SMYD3: variants seen among roughly 807,000 people sequenced by gnomAD.
SMYD3 encodes the protein SET and MYND domain containing 3.
SMYD3 carries 36 observed loss-of-function variants against 57.7 expected under a neutral mutation model. The ratio of observed to expected loss-of-function variants is 0.62; its 90% CI spans 0.48 to 0.82. The LOEUF (loss-of-function observed/expected upper bound fraction) is 0.82. Ranked by LOEUF, SMYD3 falls within the 40% of genes least tolerant of loss-of-function variation. The probability of loss-of-function intolerance (pLI) is 0.00; values close to 1 mark genes in which losing one functional copy is unlikely to be tolerated. For synonymous variants in SMYD3, 211 were observed against 195.0 expected (o/e 1.08, Z -0.68); for missense variants, 515 against 538.8 (o/e 0.96, Z 0.44).
intron 1 of SMYD3, among the ~76,000 whole-genome samples, chr1:246,471,855 T>C (rs951577836): frequency 1.3e-5 from 2 of 152,168 alleles, no homozygotes; most frequent in Non-Finnish European, 1.5e-5. Context: ...GGTACCAAAT[T>C]TGGCTCCTAA....
chr1:245,816,624 C>G (rs1431614916), intron 10 of SMYD3, among the ~76,000 whole-genome samples: 2 of 151,490 alleles, frequency 1.3e-5, no homozygotes, highest in Admixed American at 1.3e-4. Flanking sequence ...TTCTGCATTT[C>G]CATCTGAGGT....
intron 1 of SMYD3, among the ~76,000 whole-genome samples, chr1:246,499,401 TAC>T (rs74163453): frequency 0.32 from 46,291 of 145,646 alleles, 7,349 homozygotes; most frequent in Middle Eastern, 0.5. Context: ...CCATCAAATA[TAC>T]ACACACACAC....
At chr1:246,433,121 G>A (rs1164672064) in intron 1 of SMYD3, among the ~76,000 whole-genome samples, 1 of 152,138 alleles carries the variant, frequency 6.6e-6, no homozygotes, top group East Asian at 1.9e-4. Context: ...CTTCAGTAAA[G>A]TTTCAGGATA....
intron 5 of SMYD3, among the ~76,000 whole-genome samples, chr1:246,288,357 G>A (rs2064615866): frequency 6.6e-6 from 1 of 151,592 alleles, no homozygotes; most frequent in African/African-American, 2.4e-5. Flanking sequence ...CCACAGAGAA[G>A]CTTCTGGTTT....
chr1:246,430,887 C>G (rs1461258383), intron 1 of SMYD3, among the ~76,000 whole-genome samples: 1 of 152,042 alleles, frequency 6.6e-6, no homozygotes, highest in African/African-American at 2.4e-5. Flanking sequence ...AGAAACTACA[C>G]AACAAGAGGA....
At chr1:246,262,615 T>C (rs983118836) in intron 5 of SMYD3, among the ~76,000 whole-genome samples, 2 of 152,138 alleles carry the variant, frequency 1.3e-5, no homozygotes, top group African/African-American at 4.8e-5. Flanking sequence ...CCAGGCACTA[T>C]GCTTGGCACA....
At chr1:246,127,605 T>C (rs78604191) in intron 5 of SMYD3, among the ~76,000 whole-genome samples, 3,098 of 152,118 alleles carry the variant, frequency 0.02, 149 homozygotes, top group East Asian at 0.15. Context: ...GAGTGAAATA[T>C]GAAAAGGAGG....
At chr1:246,016,936 C>T (rs2059386967) in intron 5 of SMYD3, among the ~76,000 whole-genome samples, 1 of 151,264 alleles carries the variant, frequency 6.6e-6, no homozygotes, top group African/African-American at 2.5e-5. Context: ...CAATCTTTTT[C>T]TATGATTTTT....
chr1:245,825,590 C>A (rs558313644), intron 10 of SMYD3, among the ~76,000 whole-genome samples: 20 of 152,132 alleles, frequency 1.3e-4, no homozygotes, highest in African/African-American at 4.6e-4. Flanking sequence ...TCTTGTCCCC[C>A]TCTCTGTTCA....
At chr1:245,772,648 C>T (rs2046384063) in intron 10 of SMYD3, among the ~76,000 whole-genome samples, 1 of 151,926 alleles carries the variant, frequency 6.6e-6, no homozygotes, top group South Asian at 2.1e-4. Context: ...AAGTGACAGA[C>T]AAGACTATCT....
At chr1:246,048,231 A>C (rs2060004371) in intron 5 of SMYD3, among the ~76,000 whole-genome samples, 1 of 152,216 alleles carries the variant, frequency 6.6e-6, no homozygotes, top group Admixed American at 6.5e-5. Flanking sequence ...AGATTGGAAA[A>C]ATATTTCATT....
intron 5 of SMYD3, among the ~76,000 whole-genome samples, chr1:245,971,903 C>T (rs2058312976): frequency 1.3e-5 from 2 of 152,310 alleles, no homozygotes; most frequent in South Asian, 4.1e-4. Flanking sequence ...TCCACAGCTA[C>T]ATACCTGGTC....
chr1:246,159,898 G>A (rs573736771), intron 5 of SMYD3, among the ~76,000 whole-genome samples: 3 of 152,042 alleles, frequency 2.0e-5, no homozygotes, highest in Non-Finnish European at 2.9e-5. Flanking sequence ...CAACTACTAG[G>A]CCCAAGAGAT....
At chr1:246,463,557 C>T (rs2067834162) in intron 1 of SMYD3, among the ~76,000 whole-genome samples, 1 of 149,764 alleles carries the variant, frequency 6.7e-6, no homozygotes, top group African/African-American at 2.4e-5. Context: ...GTGGCTCACG[C>T]CTGTAATCCC....
intron 5 of SMYD3, among the ~76,000 whole-genome samples, chr1:246,291,086 A>G (rs1302533162): frequency 1.3e-5 from 2 of 152,234 alleles, no homozygotes; most frequent in Non-Finnish European, 2.9e-5. Flanking sequence ...AAAACAAAGC[A>G]AAGATTTGAA....
intron 1 of SMYD3, among the ~76,000 whole-genome samples, chr1:246,393,020 A>C (rs1345492897): frequency 6.6e-6 from 1 of 152,170 alleles, no homozygotes; most frequent in African/African-American, 2.4e-5. Flanking sequence ...AAGATCCCTC[A>C]TACTTACTGG....
intron 10 of SMYD3, among the ~76,000 whole-genome samples, chr1:245,766,953 C>G (rs2046138789): frequency 1.3e-5 from 2 of 152,318 alleles, no homozygotes; most frequent in Admixed American, 1.3e-4. Flanking sequence ...AGCCTCACAG[C>G]TCTATGGGGC....
At chr1:246,330,901 G>A (rs765222878) in intron 3 of SMYD3, among the ~76,000 whole-genome samples, 1 of 152,152 alleles carries the variant, frequency 6.6e-6, no homozygotes, top group African/African-American at 2.4e-5. Context: ...TTGGGAGGCC[G>A]AGGCAGGCAG....
At chr1:246,216,110 A>T (rs2063159271) in intron 5 of SMYD3, among the ~76,000 whole-genome samples, 1 of 152,046 alleles carries the variant, frequency 6.6e-6, no homozygotes, top group Admixed American at 6.5e-5. Flanking sequence ...CAACATGGTG[A>T]AACCCCGTCT....
Sources: allele counts gnomAD v4.1 joint callset (sites outside exome capture counted in the v4.1 genomes callset), GRCh38; gene constraint gnomAD v4.1.1; transcripts MANE v1.5; gene names NCBI Gene and HGNC (gene_info 2026-07-23, HGNC 2026-07-21).